The following MATCAP2 variants were observed in gnomAD, a reference collection of about 807,000 sequenced individuals.
The protein encoded by MATCAP2 is putative tyrosine carboxypeptidase MATCAP2.
At chr7:36,370,344 T>A in the MATCAP2 span, among the ~76,000 whole-genome samples, 3 of 152,222 alleles carry the variant, frequency 2.0e-5, no homozygotes, top group African/African-American at 4.8e-5. Context: ...CTTTCCTTTA[T>A]ACCTGTTTCT....
the MATCAP2 span, among the ~76,000 whole-genome samples, chr7:36,337,484 G>GT: frequency 2.6e-5 from 4 of 152,268 alleles, no homozygotes; most frequent in East Asian, 7.7e-4. Flanking sequence ...CATGAATTGT[G>GT]TAAGAACCTA....
At chr7:36,370,991 T>C in the MATCAP2 span, among the ~76,000 whole-genome samples, 1 of 152,276 alleles carries the variant, frequency 6.6e-6, no homozygotes, top group East Asian at 1.9e-4. Flanking sequence ...TCTGTAAGGA[T>C]GATTTCCATT....
chr7:36,343,171 C>T, the MATCAP2 span, among the ~76,000 whole-genome samples: 2 of 150,880 alleles, frequency 1.3e-5, no homozygotes, highest in Admixed American at 6.6e-5. Context: ...CTTCATCTTA[C>T]AAATTAATAA....
the MATCAP2 span, among the ~76,000 whole-genome samples, chr7:36,362,205 C>T: frequency 1.4e-4 from 21 of 152,264 alleles, no homozygotes; most frequent in African/African-American, 5.1e-4. Flanking sequence ...TTTGTCTGCA[C>T]TATAACAGAT....
the MATCAP2 span, among the ~76,000 whole-genome samples, chr7:36,332,889 T>G: frequency 6.6e-6 from 1 of 152,204 alleles, no homozygotes; most frequent in South Asian, 2.1e-4. Context: ...ATCGCACCAT[T>G]GTACTCCAGA....
At chr7:36,340,192 T>C in the MATCAP2 span, among the ~76,000 whole-genome samples, 1 of 152,226 alleles carries the variant, frequency 6.6e-6, no homozygotes, top group South Asian at 2.1e-4. Flanking sequence ...TTAAAGCATG[T>C]ACTTAATTTC....
At chr7:36,375,512 C>T in the MATCAP2 span, among the ~76,000 whole-genome samples, 2 of 152,038 alleles carry the variant, frequency 1.3e-5, no homozygotes, top group Admixed American at 6.6e-5. Context: ...TGAGGATTTT[C>T]GCATCAATGT....
At chr7:36,383,919 T>G in the MATCAP2 span, 2 of 1,568,890 alleles carry the variant, frequency 1.3e-6, no homozygotes, top group East Asian at 4.6e-5. Context: ...GGTCTTGGCC[T>G]TTTCTCTCCC....
At chr7:36,381,436 C>T in the MATCAP2 span, among the ~76,000 whole-genome samples, 8 of 152,068 alleles carry the variant, frequency 5.3e-5, no homozygotes, top group East Asian at 1.2e-3. Flanking sequence ...TTTGGGAAGC[C>T]GAGGCAGGTG....
the MATCAP2 span, among the ~76,000 whole-genome samples, chr7:36,369,605 ATATTT>A: frequency 3.9e-5 from 6 of 152,330 alleles, no homozygotes; most frequent in South Asian, 4.1e-4. Context: ...TATTTTCATT[ATATTT>A]TAAGTAACCA....
chr7:36,342,192 T>A, the MATCAP2 span, among the ~76,000 whole-genome samples: 1 of 151,954 alleles, frequency 6.6e-6, no homozygotes, highest in Non-Finnish European at 1.5e-5. Flanking sequence ...TTTTTTTTTT[T>A]TTTCTGAGAT....
the MATCAP2 span, among the ~76,000 whole-genome samples, chr7:36,346,009 G>A: frequency 6.6e-6 from 1 of 152,098 alleles, no homozygotes; most frequent in Non-Finnish European, 1.5e-5. Flanking sequence ...AATTGGCAAA[G>A]GATCTGAAAT....
chr7:36,384,023 A>C, the MATCAP2 span: 13 of 437,490 alleles, frequency 3.0e-5, no homozygotes, highest in Non-Finnish European at 4.5e-5. Flanking sequence ...TAGTATTTTA[A>C]AAAGTATAAA....
chr7:36,373,415 A>T, the MATCAP2 span, among the ~76,000 whole-genome samples: 1 of 152,138 alleles, frequency 6.6e-6, no homozygotes, highest in Admixed American at 6.5e-5. Context: ...GAAGAATAAG[A>T]GTCGGAATTT....
the MATCAP2 span, among the ~76,000 whole-genome samples, chr7:36,359,682 A>T: frequency 3.9e-5 from 6 of 152,364 alleles, no homozygotes; most frequent in East Asian, 1.2e-3. Flanking sequence ...AGACTCAACA[A>T]GACAAAATTA....
chr7:36,377,833 C>T, the MATCAP2 span, among the ~76,000 whole-genome samples: 1 of 152,180 alleles, frequency 6.6e-6, no homozygotes, highest in African/African-American at 2.4e-5. Flanking sequence ...CTTCTCTTCT[C>T]ACTTCATTTC....
At chr7:36,390,092 C>A in the MATCAP2 span, 1 of 1,612,286 alleles carries the variant, frequency 6.2e-7, no homozygotes, top group Non-Finnish European at 8.5e-7. Context: ...CGCTCTAGGC[C>A]CCCACCCACC....
chr7:36,355,352 G>A, the MATCAP2 span: 1 of 152,294 alleles, frequency 6.6e-6, no homozygotes, highest in African/African-American at 2.4e-5. Context: ...TACAGCCTAA[G>A]AGTGGATTAT....
the MATCAP2 span, among the ~76,000 whole-genome samples, chr7:36,351,099 T>G: frequency 3.3e-5 from 5 of 152,314 alleles, no homozygotes; most frequent in East Asian, 9.6e-4. Flanking sequence ...GTACTTACTT[T>G]CAAAATTTGA....
Sources: allele counts gnomAD v4.1 joint callset (sites outside exome capture counted in the v4.1 genomes callset), GRCh38; gene constraint gnomAD v4.1.1; transcripts MANE v1.5; gene names NCBI Gene and HGNC (gene_info 2026-07-23, HGNC 2026-07-21).